Variants in ANKRD11 observed in about 807,000 individuals in gnomAD.
ANKRD11 encodes ankyrin repeat domain-containing protein 11.
Under a neutral mutation model 195.7 loss-of-function variants are expected in ANKRD11, and 17 were observed. The observed-to-expected ratio is 0.09, with a 90% CI of 0.06 to 0.13. The LOEUF is 0.13. Among genes scored for constraint, ANKRD11 ranks in the 10% least tolerant of loss-of-function variants. The pLI, the probability that ANKRD11 is intolerant of heterozygous loss-of-function variation, is 1.00. For missense variants in ANKRD11, 3,735 were observed against 3,566.1 expected, an observed-to-expected ratio of 1.05 and a Z score of -1.21; for synonymous variants, 1,953 against 1,528.1, an observed-to-expected ratio of 1.28 and a Z score of -6.49.
chr16:89,361,406 C>T (rs2039726464), intron 2 of ANKRD11: 1 of 152,304 alleles, frequency 6.6e-6, no homozygotes. Context: ...CATGAGCTGC[C>T]TCATTCAGGC....
intron 2 of ANKRD11, among the ~76,000 whole-genome samples, chr16:89,338,175 C>G (rs548964504): frequency 7.2e-5 from 11 of 152,302 alleles, no homozygotes; most frequent in East Asian, 3.9e-4. Flanking sequence ...GGTGTGCTGC[C>G]CCGAGACGCA....
intron 3 of ANKRD11, among the ~76,000 whole-genome samples, chr16:89,309,340 C>T (rs755018092): frequency 1.6e-4 from 25 of 152,188 alleles, no homozygotes; most frequent in Non-Finnish European, 3.2e-4. Flanking sequence ...CAAAACCTAC[C>T]AGTGGAGACA....
rs1340869298 is a variant in ANKRD11 at position 89,330,756 on chromosome 16, G to A, written c.-59-13678C>T. Among the ~76,000 whole-genome samples the A allele has an allele frequency of 3.4e-5, 5 of 148,196 alleles. No homozygotes were observed. The East Asian group carries it at 6.2e-4, about 18-fold the overall frequency. Reference sequence around the variant, plus strand: ...CCACCTCATCCTGTTCCTCCTCGGCGAGTTCCAACCTCTAGCCCACACTCT... The same window carrying A: ...CCACCTCATCCTGTTCCTCCTCGGCAAGTTCCAACCTCTAGCCCACACTCT... On this transcript the variant is annotated intron_variant, in intron 2 of 12. Transcript: ENST00000301030.
At chr16:89,359,670 C>T (rs139324843) in intron 2 of ANKRD11, among the ~76,000 whole-genome samples, 45 of 152,348 alleles carry the variant, frequency 3.0e-4, no homozygotes, top group Admixed American at 4.6e-4. Context: ...CACCTCTCTG[C>T]CTCTCCACAC....
rs376462670 is a variant in ANKRD11, at chr16:89,288,624, G to A, written c.648C>T (p.Val216=). The change falls in exon 7 of 13, where the codon GTC becomes GTT. Residue 216 remains valine (V), a synonymous_variant. Transcript: ENST00000301030. ...HEACNRGYYD[V]AKQLLAAGAE... ...CACCTGCAGCCAGCAGCTGCTTCGCGACGTCGTAGTAGCCCCGGTTACAGG... is the reference window on the plus strand; with the variant it reads ...CACCTGCAGCCAGCAGCTGCTTCGCAACGTCGTAGTAGCCCCGGTTACAGG... 7.8e-5 allele frequency: 126 copies of A among 1,613,948 alleles called. No homozygotes were observed. The highest frequency in any genetic ancestry group is 4.2e-4 in the Admixed American group (25 of 60,008).
At chr16:89,319,050 G>A (rs1300336442) in intron 2 of ANKRD11, among the ~76,000 whole-genome samples, 1 of 152,234 alleles carries the variant, frequency 6.6e-6, no homozygotes, top group African/African-American at 2.4e-5. Context: ...CAGTGGTAAT[G>A]TTTACAAGTT....
In ANKRD11 at chr16:89,268,698, G is replaced by A. The variant is rs948628508; in HGVS notation, c.7807-35C>T. ...ACACAGCGGGGAGAGGAGGGAGGAG[G>A]AGTGAAGGGAGAGCCCCAGACTCTG... On this transcript the variant is annotated intron_variant, in intron 12 of 12. Coordinates refer to ENST00000301030, the MANE Select transcript of ANKRD11 (RefSeq NM_013275.6). 6 of 1,558,526 alleles carry A rather than the reference G, an allele frequency of 3.8e-6. No individual in the cohort carries two copies. The East Asian group carries it at 1.2e-4, about 31-fold the overall frequency.
Position 89,285,148 on chromosome 16 carries a change from C to A in ANKRD11, c.1394G>T (p.Arg465Ile). 6.2e-7 allele frequency: 1 copy of A among 1,613,566 alleles called. No individual in the cohort carries two copies. Among genetic ancestry groups the A allele is most frequent in the Non-Finnish European group, 8.5e-7 (1 of 1,180,032 alleles). ...KKKRKKETKG[R>I]EVRFGKRSDK... Reference sequence around the variant, plus strand: ...GCTCCGCTTTCCGAAGCGAACCTCTCTGCCTTTTGTTTCTTTCTTTCGCTT... The same window carrying A: ...GCTCCGCTTTCCGAAGCGAACCTCTATGCCTTTTGTTTCTTTCTTTCGCTT... The change falls in exon 9 of 13, where the codon AGA becomes ATA. Residue 465 changes from arginine (R) to isoleucine (I), a missense_variant. Transcript: ENST00000301030. The surrounding 1 kb of genome is among the most constrained non-coding windows in gnomAD (Gnocchi z 5.6).
At chr16:89,415,829 C>CAAACAAAAA (rs1343927982) in intron 2 of ANKRD11, among the ~76,000 whole-genome samples, 1 of 39,744 alleles carries the variant, frequency 2.5e-5, no homozygotes, top group African/African-American at 9.3e-5. Flanking sequence ...GACTCTGTCT[C>CAAACAAAAA]AAAAAAAAAA....
intron 7 of ANKRD11, chr16:89,288,063 T>C (rs948092031): frequency 3.0e-5 from 17 of 560,804 alleles, no homozygotes; most frequent in Non-Finnish European, 4.7e-5. Context: ...CAGTGCCCAC[T>C]GCTCCTGGGC....
intron 3 of ANKRD11, among the ~76,000 whole-genome samples, chr16:89,309,159 C>A (rs765145500): frequency 2.0e-5 from 3 of 152,208 alleles, no homozygotes; most frequent in Non-Finnish European, 2.9e-5. Flanking sequence ...TGAGCCCTGG[C>A]AGGGATGTGG....
chr16:89,369,829 C>T (rs1226527425), intron 2 of ANKRD11, among the ~76,000 whole-genome samples: 2 of 152,210 alleles, frequency 1.3e-5, no homozygotes, highest in Non-Finnish European at 2.9e-5. Flanking sequence ...GTGCAAAATG[C>T]CACCACTGGG....
At chr16:89,341,762 C>T (rs554047359) in intron 2 of ANKRD11, among the ~76,000 whole-genome samples, 3 of 152,192 alleles carry the variant, frequency 2.0e-5, no homozygotes, top group Non-Finnish European at 4.4e-5. Context: ...TCTGCACAAA[C>T]GTGCACAAAC....
intron 1 of ANKRD11, among the ~76,000 whole-genome samples, chr16:89,445,266 G>A (rs185311378): frequency 3.9e-5 from 6 of 152,368 alleles, no homozygotes; most frequent in Middle Eastern, 3.4e-3. Context: ...GGGAAGGGGA[G>A]CAAGCTGTTT....
intron 2 of ANKRD11, among the ~76,000 whole-genome samples, chr16:89,332,385 C>A (rs1383089611): frequency 6.6e-6 from 1 of 152,182 alleles, no homozygotes; most frequent in African/African-American, 2.4e-5. Flanking sequence ...AACACTGAGC[C>A]CCCCAAGTCC....
intron 2 of ANKRD11, among the ~76,000 whole-genome samples, chr16:89,321,496 C>T (rs1052063071): frequency 6.6e-6 from 1 of 151,128 alleles, no homozygotes; most frequent in South Asian, 2.1e-4. Context: ...GGAGCCGCAG[C>T]TGCGGGGCAG....
At chr16:89,365,863 C>T (rs560571178) in intron 2 of ANKRD11, among the ~76,000 whole-genome samples, 1 of 152,232 alleles carries the variant, frequency 6.6e-6, no homozygotes, top group Non-Finnish European at 1.5e-5. Context: ...CCCTCCTCCA[C>T]CCCCAACCCT....
chr16:89,288,691 C>T (rs574272575), intron 6 of ANKRD11, 21 bp from the exon 7 acceptor site: 16 of 1,613,796 alleles, frequency 9.9e-6, no homozygotes, highest in Admixed American at 6.7e-5. Context: ...ACACTCAGGA[C>T]GTACGTTATT....
At chr16:89,327,069 G>GAATGCAGACGTTGGA (rs1567652847) in intron 2 of ANKRD11, among the ~76,000 whole-genome samples, 1 of 38,962 alleles carries the variant, frequency 2.6e-5, no homozygotes, top group Non-Finnish European at 5.6e-5. Flanking sequence ...CAGAGGTGGG[G>GAATGCAGACGTTGGA]AATGCAGAGG....
Sources: allele counts gnomAD v4.1 joint callset (sites outside exome capture counted in the v4.1 genomes callset), GRCh38; gene constraint gnomAD v4.1.1; non-coding constraint Gnocchi (gnomAD v3.1); transcripts MANE v1.5; gene names NCBI Gene and HGNC (gene_info 2026-07-23, HGNC 2026-07-21).